The following ANAPC2 variants were observed in gnomAD, a reference collection of about 807,000 sequenced individuals.
ANAPC2 encodes anaphase promoting complex subunit 2.
Under a neutral mutation model 84.3 loss-of-function variants are expected in ANAPC2, and 29 were observed. That is an observed-to-expected ratio of 0.34 (90% confidence interval 0.26 to 0.47). The LOEUF is 0.47. Ranked by LOEUF, ANAPC2 falls within the 20% of genes least tolerant of loss-of-function variation. The pLI, the probability that ANAPC2 is intolerant of heterozygous loss-of-function variation, is 1.00. For synonymous variants in ANAPC2, 571 were observed against 479.4 expected (o/e 1.19, Z -2.50); for missense variants, 857 against 1,131.7 (o/e 0.76, Z 3.48).
chr9:137,180,766 G>T, intron 8 of ANAPC2, 22 bp downstream of exon 8: 1 of 1,605,208 alleles, frequency 6.2e-7, no homozygotes. Flanking sequence ...CCTGGAGATG[G>T]CCAGCGCGTC....
Position 137,187,882 on chromosome 9 carries a change from G to A in ANAPC2, c.339C>T (p.Asp113=). 1.2e-6 allele frequency: 2 copies of A among 1,613,726 alleles called. No individual in the cohort carries two copies. Among genetic ancestry groups the A allele is most frequent in the Non-Finnish European group, 1.7e-6 (2 of 1,180,044 alleles). The change falls in exon 2 of 13, where the codon GAC becomes GAT. Residue 113 remains aspartate (D), a synonymous_variant. Transcript: ENST00000323927. ...DEPQCLLLLL[D]AFGLLESRLD... is the part of the protein sequence containing the mutation. The stretch of plus-strand genomic sequence containing the variant: ...GGCGGCTCTCCAGCAGGCCAAAAGC[G>A]TCAAGGAGTAGCAAAAGGCACTGGG...
chr9:137,183,521 C>T, intron 5 of ANAPC2, 151 bp downstream of exon 5: 1 of 1,217,452 alleles, frequency 8.2e-7, no homozygotes, highest in Non-Finnish European at 1.1e-6. Context: ...ACCTCAGATC[C>T]CCTAAGGACC....
chr9:137,177,673 C>T (rs1436430480), intron 10 of ANAPC2, among the ~76,000 whole-genome samples: 1 of 152,198 alleles, frequency 6.6e-6, no homozygotes, highest in African/African-American at 2.4e-5. Flanking sequence ...GGCAAATTGT[C>T]ATGCACTGAA....
rs572814273 is a variant in ANAPC2 at position 137,186,511 on chromosome 9, G to A, written c.741-155C>T. ...CACCTCCCCACAATCCTCAGCTGTG[G>A]GGGGCGGTTGTACCAAAGGCTTCAA... On this transcript the variant is annotated intron_variant, in intron 2 of 12. Transcript: ENST00000323927. 4.4e-6 allele frequency: 5 copies of A among 1,145,486 alleles called. No homozygotes were observed. In the African/African-American group the frequency reaches 7.8e-5, roughly 18 times the overall value. 71.0% of individuals were successfully genotyped at this position (1,145,486 alleles called of 1,614,324 possible).
chr9:137,179,134 C>T (rs1437514313), intron 10 of ANAPC2, among the ~76,000 whole-genome samples: 1 of 152,208 alleles, frequency 6.6e-6, no homozygotes. Context: ...TGGGCCGAGG[C>T]TGGACCATCC....
rs752606738 is a variant in ANAPC2 at position 137,175,029 on chromosome 9, C to T, written c.2382G>A (p.Glu794=). 6.2e-7 allele frequency: 1 copy of T among 1,604,752 alleles called. No individual in the cohort carries two copies. Residue 794 remains glutamate (E), a synonymous_variant, in exon 13 of 13, where the codon GAG becomes GAA. Coordinates refer to ENST00000323927, the MANE Select transcript of ANAPC2 (RefSeq NM_013366.4). ...GPALAEIDLQ[E]LQGYLQKKVR... is the part of the protein sequence containing the mutation. ...CCTTCTTCTGCAGGTAGCCCTGCAG[C>T]TCCTGCAGGTCAATCTCGGCCAGTG...
intron 10 of ANAPC2, 170 bp from the exon 11 acceptor site, chr9:137,176,007 T>G (rs1834201811): frequency 9.2e-6 from 7 of 758,706 alleles, no homozygotes; most frequent in Non-Finnish European, 1.4e-5. Context: ...CCCCACCTGC[T>G]CAGCCACCAT....
chr9:137,181,464 G>A (rs1424428772), intron 7 of ANAPC2, among the ~76,000 whole-genome samples: 6 of 152,178 alleles, frequency 3.9e-5, no homozygotes, highest in Non-Finnish European at 7.3e-5. Flanking sequence ...ATCCCCCACG[G>A]CCAGAGTGAC....
chr9:137,179,169 G>T (rs1276399297), intron 10 of ANAPC2, among the ~76,000 whole-genome samples: 1 of 152,080 alleles, frequency 6.6e-6, no homozygotes, highest in African/African-American at 2.4e-5. Flanking sequence ...CTGGGGTTGG[G>T]GTCTGCAGAC....
At position 137,180,440 on chromosome 9, in the gene ANAPC2, G is replaced by A. The variant is rs1016245126; in HGVS notation, c.1686+12C>T. The A allele has an allele frequency of 1.9e-6, 3 of 1,612,800 alleles. No homozygotes were observed. The highest frequency in any genetic ancestry group is 2.5e-6 in the Non-Finnish European group (3 of 1,179,902). The stretch of plus-strand genomic sequence containing the variant: ...GCGGGGCGGCCGGGCAGCGGGCGGG[G>A]CTGGGACCCACCTTCAGCATGACTT... On this transcript the variant is annotated intron_variant, in intron 9 of 12. Transcript: ENST00000323927.
At chr9:137,176,066 AG>A (rs1834203205) in intron 10 of ANAPC2, 2 of 488,252 alleles carry the variant, frequency 4.1e-6, no homozygotes, top group African/African-American at 6.2e-5. Flanking sequence ...AAAAGGCTAC[AG>A]GGGCCTCCTG....
In ANAPC2 at chr9:137,175,761, G is replaced by A. The variant is rs748178770; in HGVS notation, c.1967C>T (p.Ser656Phe). Residue 656 changes from serine (S) to phenylalanine (F), a missense_variant, in exon 11 of 13, where the codon TCT becomes TTT. This residue lies in a region of ANAPC2 where 425 missense variants were observed against 595.5 expected (regional missense o/e 0.71). Transcript: ENST00000323927. ...CGCCTGTACTGGGGTGACCGCCACA[G>A]ACAGCGTGCGGTCGGCCAGCTCCAC... ...MDVELADRTLSVAVTPVQAVI... is the reference protein window; with the variant it reads ...MDVELADRTLFVAVTPVQAVI... 2 of 1,611,984 alleles carry A rather than the reference G, an allele frequency of 1.2e-6. No homozygotes were observed.
chr9:137,187,563 G>C lies in ANAPC2; in HGVS notation c.658C>G (p.Leu220Val). 8.7e-6 allele frequency: 14 copies of C among 1,613,912 alleles called. No homozygotes were observed. The highest frequency in any genetic ancestry group is 1.2e-5 in the Non-Finnish European group (14 of 1,180,034). The change falls in exon 2 of 13, where the codon CTG becomes GTG. Residue 220 changes from leucine to valine, a missense_variant. By Grantham distance (32) the Leu-to-Val change is conservative. This residue lies in a region of ANAPC2 where 428 missense variants were observed against 513.8 expected (regional missense o/e 0.83). Coordinates refer to ENST00000323927, the MANE Select transcript of ANAPC2 (RefSeq NM_013366.4). Reference sequence around the variant, plus strand: ...TTGTCACTGCTGCACCCTGCACACAGCGGGCTCTGCAGGAGCCGGTAGTAC... The same window carrying C: ...TTGTCACTGCTGCACCCTGCACACACCGGGCTCTGCAGGAGCCGGTAGTAC... ...RRYYRLLQSP[L>V]CAGCSSDKQQ...
At chr9:137,184,620 G>A (rs1834419493) in intron 4 of ANAPC2, among the ~76,000 whole-genome samples, 2 of 126,986 alleles carry the variant, frequency 1.6e-5, no homozygotes, top group East Asian at 2.6e-4. Flanking sequence ...CCCAGACGCA[G>A]ACAGAGCAGA....
chr9:137,187,287 G>T, intron 2 of ANAPC2, 194 bp downstream of exon 2: 1 of 700,242 alleles, frequency 1.4e-6, no homozygotes, highest in Non-Finnish European at 2.3e-6. Context: ...TGAATCTGTG[G>T]GACTGAAGGT....
chr9:137,181,715 C>G lies in ANAPC2; in HGVS notation c.1434G>C (p.Glu478Asp). The G allele has an allele frequency of 1.2e-6, 2 of 1,611,582 alleles. No homozygotes were observed. Among genetic ancestry groups the G allele is most frequent in the East Asian group, 4.5e-5 (2 of 44,854 alleles). Residue 478 changes from glutamate to aspartate, a missense_variant, in exon 7 of 13, where the codon GAG becomes GAC. Glu to Asp is a conservative substitution (Grantham distance 45, BLOSUM62 2). Around this residue, in one of 3 missense-constraint regions of ANAPC2, gnomAD observed 425 missense variants for 595.5 expected, o/e 0.71. Transcript: ENST00000323927. ...QDSEDDSGEP[E>D]DWVPDPVDAD... is the part of the protein sequence containing the mutation. ...CATCCACAGGGTCCGGGACCCAGTC[C>G]TCTGGCTCGCCTGAGTCATCCTCAC...
rs112692391 is a variant in ANAPC2 at position 137,183,556 on chromosome 9, T to C, written c.1168+116A>G. ...CTCACCAATTGCTTCTCAACCCATT[T>C]CTTCCTTAGACCTACAAGTCCAGGG... On this transcript the variant is annotated intron_variant, in intron 5 of 12. Transcript: ENST00000323927. 1.6e-4 allele frequency: 230 copies of C among 1,437,862 alleles called. 1 individual carries two copies. In the African/African-American group the frequency reaches 2.2e-3, roughly 14 times the overall value. 89.1% of individuals were successfully genotyped at this position (1,437,862 alleles called of 1,614,324 possible).
At chr9:137,188,286 G>A (rs1314877662) in intron 1 of ANAPC2, 130 bp downstream of exon 1, 1 of 1,287,492 alleles carries the variant, frequency 7.8e-7, no homozygotes, top group South Asian at 1.4e-5. Context: ...ACGGAAAGGT[G>A]GTGGAAAATG....
rs1834465261 is a variant in ANAPC2 at position 137,186,214 on chromosome 9, G to A, written c.873+10C>T. 3 of 1,612,032 alleles carry A rather than the reference G, an allele frequency of 1.9e-6. No individual in the cohort carries two copies. Among genetic ancestry groups the A allele is most frequent in the Non-Finnish European group, 2.5e-6 (3 of 1,179,550 alleles). ...TCCAGCGGGGCACAGCCCAAGGGAG[G>A]GGTCCTCACCTTGTGGAACTCACGC... On this transcript the variant is annotated intron_variant, in intron 3 of 12. Coordinates refer to ENST00000323927, the MANE Select transcript of ANAPC2 (RefSeq NM_013366.4).
Sources: allele counts gnomAD v4.1 joint callset (sites outside exome capture counted in the v4.1 genomes callset), GRCh38; gene constraint gnomAD v4.1.1; regional missense constraint gnomAD v4.1.1; transcripts MANE v1.5; gene names NCBI Gene and HGNC (gene_info 2026-07-23, HGNC 2026-07-21).